YES1: variants seen among roughly 807,000 people sequenced by gnomAD.
YES1 encodes tyrosine-protein kinase Yes.
Under a neutral mutation model 70.4 loss-of-function variants are expected in YES1, and 39 were observed. That is an observed-to-expected ratio of 0.55 (90% CI 0.43 to 0.72). YES1 has a LOEUF of 0.72. YES1 is among the 30% of genes least tolerant of loss of function. YES1 has a pLI of 0.00. For missense variants in YES1, 495 were observed against 644.8 expected (o/e 0.77, Z 2.52); for synonymous variants, 198 against 218.6 (o/e 0.91, Z 0.83).
chr18:743,563 TG>T, intron 6 of YES1, 148 bp from the exon 7 acceptor site: 1 of 617,702 alleles, frequency 1.6e-6, no homozygotes, highest in Non-Finnish European at 2.6e-6. Flanking sequence ...AAAAGGGAGT[TG>T]TCCATAAGCA....
chr18:768,788 C>T (rs930486177), intron 1 of YES1, among the ~76,000 whole-genome samples: 23 of 150,906 alleles, frequency 1.5e-4, no homozygotes, highest in East Asian at 7.8e-4. Flanking sequence ...CTGCAACCTC[C>T]GCTTCCCAGG....
intron 1 of YES1, among the ~76,000 whole-genome samples, chr18:759,463 G>A (rs868598295): frequency 1.2e-4 from 18 of 152,040 alleles, no homozygotes; most frequent in African/African-American, 3.4e-4. Context: ...ACGAAACTCC[G>A]TCTCAAAAAA....
At chr18:771,026 A>G (rs1003280678) in intron 1 of YES1, among the ~76,000 whole-genome samples, 1 of 152,114 alleles carries the variant, frequency 6.6e-6, no homozygotes. Flanking sequence ...AAAAATCTGA[A>G]AAGTTAAAAC....
chr18:804,945 A>G (rs1907024293), intron 1 of YES1, among the ~76,000 whole-genome samples: 1 of 148,366 alleles, frequency 6.7e-6, no homozygotes. Flanking sequence ...AAAACCTAGC[A>G]TAGTAGTATA....
intron 3 of YES1, 49 bp downstream of exon 3, chr18:751,656 G>T: frequency 7.9e-7 from 1 of 1,261,430 alleles, no homozygotes. Context: ...CCTGTGTAAA[G>T]ACCAGATTTC....
chr18:787,388 G>A (rs1213251083), intron 1 of YES1, among the ~76,000 whole-genome samples: 8 of 151,444 alleles, frequency 5.3e-5, no homozygotes, highest in East Asian at 2.0e-4. Context: ...ATGAGCCACC[G>A]CGCCCAGCTG....
intron 11 of YES1, among the ~76,000 whole-genome samples, chr18:730,538 T>C (rs960350863): frequency 1.3e-5 from 2 of 152,024 alleles, no homozygotes; most frequent in Non-Finnish European, 2.9e-5. Flanking sequence ...TTTAGAGTTC[T>C]TTCCCTATGG....
chr18:789,231 A>G (rs1156406218), intron 1 of YES1, among the ~76,000 whole-genome samples: 3 of 152,184 alleles, frequency 2.0e-5, no homozygotes, highest in Non-Finnish European at 2.9e-5. Flanking sequence ...TGACTATATT[A>G]AAATATTCAT....
chr18:760,849 A>G (rs1476784241), intron 1 of YES1, among the ~76,000 whole-genome samples: 1 of 152,200 alleles, frequency 6.6e-6, no homozygotes, highest in Non-Finnish European at 1.5e-5. Flanking sequence ...ATATCTTTGT[A>G]CTTGCTCATG....
In YES1 at chr18:756,512, G is replaced by A. The variant is rs375237296; in HGVS notation, c.271+45C>T. Reference sequence around the variant, plus strand: ...AAGCCTTAAGTATATATTACCCAAGGTGATGTTCTCAAACAGACAACATAA... The same window carrying A: ...AAGCCTTAAGTATATATTACCCAAGATGATGTTCTCAAACAGACAACATAA... On this transcript the variant is annotated intron_variant, in intron 2 of 11. Transcript: ENST00000314574. 7.5e-6 allele frequency: 12 copies of A among 1,605,648 alleles called. No homozygotes were observed. In the African/African-American group the frequency reaches 8.0e-5, roughly 11 times the overall value.
chr18:801,275 G>A (rs908816403), intron 1 of YES1, among the ~76,000 whole-genome samples: 4 of 152,218 alleles, frequency 2.6e-5, no homozygotes, highest in Non-Finnish European at 4.4e-5. Context: ...AGAGGCTGCA[G>A]TTAGCAGTGA....
At chr18:741,810 A>T (rs2080219903) in intron 8 of YES1, among the ~76,000 whole-genome samples, 1 of 150,658 alleles carries the variant, frequency 6.6e-6, no homozygotes, top group South Asian at 2.1e-4. Context: ...AAAAACAAAA[A>T]CAACAAACAA....
chr18:797,693 C>A (rs1216300512), intron 1 of YES1, among the ~76,000 whole-genome samples: 1 of 152,146 alleles, frequency 6.6e-6, no homozygotes, highest in African/African-American at 2.4e-5. Context: ...ATCTTTTTAA[C>A]AAACTTTAAA....
intron 1 of YES1, among the ~76,000 whole-genome samples, chr18:757,510 A>T (rs1418610491): frequency 2.0e-5 from 3 of 148,262 alleles, no homozygotes; most frequent in Non-Finnish European, 3.0e-5. Flanking sequence ...CTCAAAAAAA[A>T]AAAAAAAAGA....
intron 8 of YES1, among the ~76,000 whole-genome samples, chr18:742,161 C>T (rs62088294): frequency 0.088 from 13,440 of 152,182 alleles, 749 homozygotes; most frequent in East Asian, 0.27. Context: ...AAAATCAGGC[C>T]TGTCAGCTTA....
At chr18:731,758 G>A (rs980973699) in intron 11 of YES1, among the ~76,000 whole-genome samples, 1 of 151,566 alleles carries the variant, frequency 6.6e-6, no homozygotes, top group African/African-American at 2.4e-5. Flanking sequence ...ACAAGGTCAG[G>A]AGATCGAGAC....
rs1475548937 is a variant in YES1, at chr18:722,344, GC to G, written c.*2079del. On this transcript the variant is annotated 3_prime_UTR_variant, in exon 12 of 12. Coordinates refer to ENST00000314574, the MANE Select transcript of YES1 (RefSeq NM_005433.4). ...CACAATTTTTAGTACCAGAACCACT[GC>G]CAACTTGCATGAAGTCCATCTTCAC... The G allele has an allele frequency of 6.6e-6, 1 of 152,126 alleles. No individual in the cohort carries two copies. Among genetic ancestry groups the G allele is most frequent in the Non-Finnish European group, 1.5e-5 (1 of 67,940 alleles). 9.4% of individuals were successfully genotyped at this position (152,126 alleles called of 1,614,324 possible).
chr18:810,979 C>T (rs58976039), intron 1 of YES1, among the ~76,000 whole-genome samples: 8,656 of 152,182 alleles, frequency 0.057, 343 homozygotes, highest in East Asian at 0.12. Flanking sequence ...ATTTACCATG[C>T]ACTTTTCCTT....
intron 1 of YES1, among the ~76,000 whole-genome samples, chr18:805,848 T>C (rs114741143): frequency 5.7e-4 from 87 of 152,240 alleles, no homozygotes; most frequent in African/African-American, 2.0e-3. Context: ...CACCCCAATT[T>C]CTACTTAATG....
Sources: gnomAD v4.1 joint callset for allele counts (sites outside exome capture counted in the v4.1 genomes callset) on GRCh38, gnomAD v4.1.1 for gene constraint, MANE v1.5 for transcripts, NCBI Gene and HGNC (gene_info 2026-07-23, HGNC 2026-07-21) for gene names.